The following CCSER1 variants were observed in gnomAD, a reference collection of about 807,000 sequenced individuals.
CCSER1 encodes serine-rich coiled-coil domain-containing protein 1.
A neutral mutation model predicts 82.0 loss-of-function variants in CCSER1; 41 were observed. That is an observed-to-expected ratio of 0.50 (90% CI 0.39 to 0.65). The LOEUF is 0.65. Ranked by LOEUF, CCSER1 falls within the 30% of genes least tolerant of loss-of-function variation. CCSER1 has a pLI of 0.00. For missense variants in CCSER1, 1,119 were observed against 1,064.2 expected, an observed-to-expected ratio of 1.05 and a Z score of -0.72; for synonymous variants, 414 against 383.9, an observed-to-expected ratio of 1.08 and a Z score of -0.92.
At chr4:90,400,774 G>A (rs1358546601) in intron 4 of CCSER1, among the ~76,000 whole-genome samples, 2 of 152,030 alleles carry the variant, frequency 1.3e-5, no homozygotes, top group Non-Finnish European at 2.9e-5. Flanking sequence ...TTTAAAGTTG[G>A]TTATAGGAAT....
chr4:90,291,278 C>T (rs1730895999), intron 1 of CCSER1, among the ~76,000 whole-genome samples: 1 of 151,928 alleles, frequency 6.6e-6, no homozygotes, highest in Non-Finnish European at 1.5e-5. Flanking sequence ...AAGTACTTAA[C>T]TAGTTTAGGT....
At chr4:90,515,312 C>A (rs1772117771) in intron 5 of CCSER1, among the ~76,000 whole-genome samples, 1 of 152,152 alleles carries the variant, frequency 6.6e-6, no homozygotes, top group Non-Finnish European at 1.5e-5. Context: ...CAGTCAGTTT[C>A]CACTTCATAA....
intron 8 of CCSER1, chr4:90,911,187 T>G (rs1470422615): frequency 2.3e-6 from 1 of 425,602 alleles, no homozygotes; most frequent in African/African-American, 2.1e-5. Flanking sequence ...AAGTCTCCCT[T>G]TTTTTCAAGT....
At chr4:91,351,822 A>G (rs1309130245) in intron 10 of CCSER1, among the ~76,000 whole-genome samples, 2 of 152,060 alleles carry the variant, frequency 1.3e-5, no homozygotes, top group Non-Finnish European at 2.9e-5. Flanking sequence ...GAAAATATTC[A>G]TTTGTCCTAT....
chr4:91,551,001 C>A (rs923103725), intron 10 of CCSER1, among the ~76,000 whole-genome samples: 1 of 151,952 alleles, frequency 6.6e-6, no homozygotes, highest in East Asian at 1.9e-4. Flanking sequence ...CTTGATATAG[C>A]CAGTAGCTCC....
intron 8 of CCSER1, among the ~76,000 whole-genome samples, chr4:90,864,664 C>G (rs963478755): frequency 1.3e-5 from 2 of 151,992 alleles, no homozygotes; most frequent in Non-Finnish European, 2.9e-5. Context: ...CAGAGTAAAA[C>G]TGATTCTCAG....
At chr4:91,142,914 A>C (rs1218407151) in intron 10 of CCSER1, among the ~76,000 whole-genome samples, 9 of 151,876 alleles carry the variant, frequency 5.9e-5, no homozygotes, top group Admixed American at 5.9e-4. Flanking sequence ...GGGTAATGTA[A>C]TCCCTCCTGC....
chr4:91,543,902 A>T (rs1761741762), intron 10 of CCSER1, among the ~76,000 whole-genome samples: 1 of 152,134 alleles, frequency 6.6e-6, no homozygotes, highest in African/African-American at 2.4e-5. Context: ...TTGTTTTCCA[A>T]CTTGGTTCCA....
intron 10 of CCSER1, among the ~76,000 whole-genome samples, chr4:91,327,075 G>A (rs1609323): frequency 0.77 from 115,992 of 151,544 alleles, 44,852 homozygotes; most frequent in East Asian, 0.88. Context: ...TGGATCTATC[G>A]TTCTGGGGTC....
chr4:90,988,828 A>T (rs1446516800), intron 9 of CCSER1, among the ~76,000 whole-genome samples: 1 of 151,846 alleles, frequency 6.6e-6, no homozygotes, highest in Non-Finnish European at 1.5e-5. Context: ...AAACAATGAG[A>T]TTCTCCAGCA....
intron 10 of CCSER1, among the ~76,000 whole-genome samples, chr4:91,430,460 A>T (rs1402576331): frequency 6.6e-6 from 1 of 152,236 alleles, no homozygotes; most frequent in Non-Finnish European, 1.5e-5. Flanking sequence ...TATTTTGCTT[A>T]CAATGCACCA....
At chr4:90,600,464 A>G (rs774720510) in intron 5 of CCSER1, among the ~76,000 whole-genome samples, 9 of 152,188 alleles carry the variant, frequency 5.9e-5, no homozygotes, top group Middle Eastern at 6.8e-3. Flanking sequence ...TGCTATCTGT[A>G]TATCTTCTTT....
intron 8 of CCSER1, among the ~76,000 whole-genome samples, chr4:90,916,766 T>A (rs1727501716): frequency 6.6e-6 from 1 of 152,210 alleles, no homozygotes. Context: ...TCTACTCATC[T>A]GACAAAGGGC....
intron 4 of CCSER1, among the ~76,000 whole-genome samples, chr4:90,411,885 C>T (rs1578343184): frequency 6.6e-6 from 1 of 152,076 alleles, no homozygotes; most frequent in East Asian, 1.9e-4. Context: ...ATTGTCTCAG[C>T]CCAAAATCTC....
chr4:90,745,795 T>G (rs1356120146), intron 7 of CCSER1, among the ~76,000 whole-genome samples: 1 of 145,396 alleles, frequency 6.9e-6, no homozygotes, highest in Non-Finnish European at 1.5e-5. Context: ...GCTCACGCCA[T>G]TCTCCTGCCT....
chr4:91,059,475 A>ATATAT, intron 9 of CCSER1, among the ~76,000 whole-genome samples: 1 of 147,850 alleles, frequency 6.8e-6, no homozygotes, highest in Admixed American at 6.8e-5. Context: ...ATATATATAT[A>ATATAT]AGTCTCCAAA....
chr4:90,751,994 T>G (rs1748738193), intron 7 of CCSER1, among the ~76,000 whole-genome samples: 1 of 152,140 alleles, frequency 6.6e-6, no homozygotes, highest in Non-Finnish European at 1.5e-5. Context: ...TTGTTTAGAA[T>G]GTTGTCCCTG....
intron 5 of CCSER1, among the ~76,000 whole-genome samples, chr4:90,489,270 C>A (rs545098228): frequency 1.6e-4 from 24 of 152,110 alleles, no homozygotes; most frequent in Admixed American, 1.4e-3. Context: ...TGGTATATGA[C>A]CTCAAGTATT....
chr4:90,701,054 T>C (rs184251476), intron 6 of CCSER1, among the ~76,000 whole-genome samples: 8,735 of 152,248 alleles, frequency 0.057, 298 homozygotes, highest in East Asian at 0.16. Flanking sequence ...ATGAAGTCCT[T>C]GCCCATGCCT....
Sources: gnomAD v4.1 joint callset for allele counts (sites outside exome capture counted in the v4.1 genomes callset) on GRCh38, gnomAD v4.1.1 for gene constraint, MANE v1.5 for transcripts, NCBI Gene and HGNC (gene_info 2026-07-23, HGNC 2026-07-21) for gene names.